The following WDR72 variants were observed in gnomAD, a reference collection of about 807,000 sequenced individuals.
WDR72 encodes WD repeat-containing protein 72.
Under a neutral mutation model 124.2 loss-of-function variants are expected in WDR72, and 120 were observed. That is an observed-to-expected ratio of 0.97 (90% CI 0.83 to 1.12). WDR72 has a LOEUF of 1.12. WDR72 is among the 50% of genes most tolerant of loss of function. The pLI is 0.00. For missense variants in WDR72, 1,387 were observed against 1,278.8 expected (o/e 1.08, Z -1.29); for synonymous variants, 452 against 441.7 (o/e 1.02, Z -0.29).
In WDR72 at chr15:53,543,010, T is replaced by C. The variant is rs1893233252; in HGVS notation, c.3149-19688A>G. On this transcript the variant is annotated intron_variant, in intron 18 of 19. Transcript: ENST00000360509. ...TTCGTAAAGCAAGTCCTGAGTGACC[T>C]ACAAAGAGACTTAGACTCCCACACA... Among the ~76,000 whole-genome samples the C allele has an allele frequency of 4.0e-5, 6 of 151,716 alleles. 1 individual carries two copies. The South Asian group carries it at 1.3e-3, about 32-fold the overall frequency.
At chr15:53,654,894 C>T (rs961424695) in intron 14 of WDR72, among the ~76,000 whole-genome samples, 4 of 152,142 alleles carry the variant, frequency 2.6e-5, no homozygotes, top group East Asian at 3.9e-4. Flanking sequence ...TTAAGCTGAT[C>T]GTTAGCATAC....
chr15:53,689,617 A>G (rs71474845), intron 13 of WDR72, among the ~76,000 whole-genome samples: 39,192 of 136,176 alleles, frequency 0.29, 6,094 homozygotes, highest in East Asian at 0.33. Flanking sequence ...CACTGTTGGT[A>G]GGACTGTAAA....
chr15:53,715,146 A>G, intron 5 of WDR72, 47 bp downstream of exon 5: 1 of 1,595,012 alleles, frequency 6.3e-7, no homozygotes, highest in Non-Finnish European at 8.6e-7. Context: ...AAAAGTAGAT[A>G]TTTTTATATG....
intron 18 of WDR72, among the ~76,000 whole-genome samples, chr15:53,547,988 T>C (rs1197021164): frequency 2.0e-5 from 3 of 152,258 alleles, no homozygotes; most frequent in East Asian, 3.8e-4. Context: ...CAAAGGTTGA[T>C]GACGTCTTTG....
At chr15:53,623,956 A>T (rs963757538) in intron 14 of WDR72, among the ~76,000 whole-genome samples, 1 of 151,950 alleles carries the variant, frequency 6.6e-6, no homozygotes, top group African/African-American at 2.4e-5. Context: ...GCATCTTTTC[A>T]TATGTTTCTT....
chr15:53,720,789 G>A (rs75813488), intron 3 of WDR72, among the ~76,000 whole-genome samples: 2,905 of 152,164 alleles, frequency 0.019, 96 homozygotes, highest in African/African-American at 0.067. Flanking sequence ...CAGATCTCCA[G>A]TGGTTTATTT....
chr15:53,535,977 G>T (rs1410106945), intron 18 of WDR72, among the ~76,000 whole-genome samples: 2 of 152,126 alleles, frequency 1.3e-5, no homozygotes, highest in Admixed American at 1.3e-4. Context: ...CATATCCTAG[G>T]ATGCCTGCCT....
chr15:53,690,994 C>T (rs2016820040), intron 13 of WDR72, among the ~76,000 whole-genome samples: 1 of 152,090 alleles, frequency 6.6e-6, no homozygotes, highest in African/African-American at 2.4e-5. Context: ...TTATAAGTAT[C>T]CTAGTGAATA....
intron 3 of WDR72, among the ~76,000 whole-genome samples, chr15:53,717,166 C>A (rs2017737798): frequency 6.6e-6 from 1 of 151,982 alleles, no homozygotes. Context: ...CTCTGCTTCT[C>A]CTGATTTGAA....
intron 18 of WDR72, among the ~76,000 whole-genome samples, chr15:53,535,761 C>T (rs1273803009): frequency 6.6e-6 from 1 of 152,110 alleles, no homozygotes; most frequent in Admixed American, 6.6e-5. Flanking sequence ...CAAGACTAAA[C>T]AGCCCCCCAA....
intron 18 of WDR72, among the ~76,000 whole-genome samples, chr15:53,535,380 C>A (rs1595738572): frequency 6.6e-6 from 1 of 152,158 alleles, no homozygotes; most frequent in African/African-American, 2.4e-5. Flanking sequence ...GACAGGGAAC[C>A]ATGATCATCA....
At chr15:53,538,135 T>A (rs925173695) in intron 18 of WDR72, among the ~76,000 whole-genome samples, 1 of 152,210 alleles carries the variant, frequency 6.6e-6, no homozygotes, top group Admixed American at 6.5e-5. Flanking sequence ...TTAAATGGAA[T>A]GGAAATGATG....
chr15:53,749,099 A>G (rs1307236353), intron 1 of WDR72, among the ~76,000 whole-genome samples: 1 of 152,174 alleles, frequency 6.6e-6, no homozygotes, highest in African/African-American at 2.4e-5. Context: ...TAGAGCTCGA[A>G]GCCAAAATTG....
intron 18 of WDR72, among the ~76,000 whole-genome samples, chr15:53,555,586 C>T (rs1029014942): frequency 2.0e-5 from 3 of 151,784 alleles, no homozygotes; most frequent in Non-Finnish European, 4.4e-5. Context: ...TTGTGGTATT[C>T]TTTGTAGTTT....
chr15:53,738,587 TTTGTTTG>T (rs1371364511), intron 1 of WDR72, among the ~76,000 whole-genome samples: 2 of 128,456 alleles, frequency 1.6e-5, no homozygotes, highest in African/African-American at 8.4e-5. Context: ...TTTTTTTGTT[TTTGTTTG>T]TTTGTTTGTT....
At chr15:53,597,807 C>T (rs750259468) in intron 17 of WDR72, among the ~76,000 whole-genome samples, 4 of 152,116 alleles carry the variant, frequency 2.6e-5, no homozygotes, top group Non-Finnish European at 4.4e-5. Flanking sequence ...TTGCAAGGCA[C>T]GTCTTCCAAT....
chr15:53,604,091 C>A (rs2013167156), intron 17 of WDR72, among the ~76,000 whole-genome samples: 1 of 152,156 alleles, frequency 6.6e-6, no homozygotes, highest in Non-Finnish European at 1.5e-5. Flanking sequence ...TACTACAGGG[C>A]TGCAGTAACC....
intron 1 of WDR72, among the ~76,000 whole-genome samples, chr15:53,756,998 C>T (rs1181307735): frequency 6.6e-6 from 1 of 152,108 alleles, no homozygotes; most frequent in Non-Finnish European, 1.5e-5. Flanking sequence ...TGAAAATTTG[C>T]ATTTTTTAGA....
At chr15:53,711,796 T>C (rs909863925) in intron 7 of WDR72, among the ~76,000 whole-genome samples, 4 of 152,222 alleles carry the variant, frequency 2.6e-5, no homozygotes, top group Non-Finnish European at 5.9e-5. Flanking sequence ...CATTTGAAAA[T>C]GTATTATGCA....
Sources: gnomAD v4.1 joint callset for allele counts (sites outside exome capture counted in the v4.1 genomes callset) on GRCh38, gnomAD v4.1.1 for gene constraint, MANE v1.5 for transcripts, NCBI Gene and HGNC (gene_info 2026-07-23, HGNC 2026-07-21) for gene names.